ANKIB1: variants seen among roughly 807,000 people sequenced by gnomAD.
The protein encoded by ANKIB1 is ankyrin repeat and IBR domain containing 1.
ANKIB1 carries 43 observed loss-of-function variants against 122.1 expected under a neutral mutation model. That is an observed-to-expected ratio of 0.35 (90% CI 0.28 to 0.45). ANKIB1 has a LOEUF of 0.45. Ranked by LOEUF, ANKIB1 falls within the 20% of genes least tolerant of loss-of-function variation. The pLI is 1.00. For missense variants in ANKIB1, 992 were observed against 1,329.5 expected, an observed-to-expected ratio of 0.75 and a Z score of 3.95; for synonymous variants, 390 against 442.0, an observed-to-expected ratio of 0.88 and a Z score of 1.48.
chr7:92,302,492 C>G (rs915691444), intron 2 of ANKIB1, among the ~76,000 whole-genome samples: 1 of 152,188 alleles, frequency 6.6e-6, no homozygotes, highest in African/African-American at 2.4e-5. Context: ...ACATCACAAT[C>G]ACACTGCCTC....
intron 15 of ANKIB1, 24 bp from the exon 16 acceptor site, chr7:92,391,142 T>G: frequency 6.4e-7 from 1 of 1,563,544 alleles, no homozygotes; most frequent in Non-Finnish European, 8.7e-7. Context: ...CCTGTGATTT[T>G]TTTTTTTTCT....
intron 5 of ANKIB1, among the ~76,000 whole-genome samples, chr7:92,328,125 T>G (rs574242319): frequency 6.6e-6 from 1 of 152,342 alleles, no homozygotes; most frequent in South Asian, 2.1e-4. Context: ...GGAAAATTCT[T>G]TTTAGAAATT....
In ANKIB1 at chr7:92,392,252, G is replaced by A. The variant is rs758735939; in HGVS notation, c.2243G>A (p.Gly748Glu). 2 of 1,610,908 alleles carry A rather than the reference G, an allele frequency of 1.2e-6. No homozygotes were observed. Among genetic ancestry groups the A allele is most frequent in the Non-Finnish European group, 1.7e-6 (2 of 1,178,224 alleles). ...TAATTTCTTTGTAGCTTTGCTGGTG[G>A]AACATGGGATTGGGAATATTTAGGA... ...PEAPRRSFAGGTWDWEYLGFA... is the reference protein window; with the variant it reads ...PEAPRRSFAGETWDWEYLGFA... The change falls in exon 17 of 20, where the codon GGA becomes GAA. Residue 748 changes from glycine (G) to glutamate (E), a missense_variant. Physicochemically the swap from Gly to Glu is moderately conservative, Grantham distance 98. This residue lies in a region of ANKIB1 where 521 missense variants were observed against 777.7 expected (regional missense o/e 0.67). Coordinates refer to ENST00000265742, the MANE Select transcript of ANKIB1 (RefSeq NM_019004.2).
At chr7:92,283,963 G>A (rs892104095) in intron 1 of ANKIB1, among the ~76,000 whole-genome samples, 1 of 152,092 alleles carries the variant, frequency 6.6e-6, no homozygotes, top group Non-Finnish European at 1.5e-5. Context: ...TAGGGACGGG[G>A]TTTCATCATG....
chr7:92,396,811 T>C (rs191971916), intron 18 of ANKIB1, among the ~76,000 whole-genome samples: 1 of 152,304 alleles, frequency 6.6e-6, no homozygotes, highest in East Asian at 1.9e-4. Flanking sequence ...AGATAATGCA[T>C]CTAAAACACT....
intron 17 of ANKIB1, among the ~76,000 whole-genome samples, chr7:92,393,477 G>A (rs551988057): frequency 9.2e-5 from 14 of 151,958 alleles, no homozygotes; most frequent in African/African-American, 3.1e-4. Flanking sequence ...CTAAAAGGAA[G>A]AATAAGCAAA....
chr7:92,365,965 T>A (rs1049195503), intron 10 of ANKIB1, among the ~76,000 whole-genome samples: 3 of 151,576 alleles, frequency 2.0e-5, no homozygotes, highest in African/African-American at 7.3e-5. Context: ...CCGGCTAATT[T>A]TTTGTATTTT....
In ANKIB1 at chr7:92,276,849, T is replaced by C. The variant is rs187629847; in HGVS notation, c.-90-18040T>C. On this transcript the variant is annotated intron_variant, in intron 1 of 19. Transcript: ENST00000265742. ...CAGAGGACACTCATAGTACCTGATATGGTTTGGATCTGTGTCTCTACCAAA... is the reference window on the plus strand; with the variant it reads ...CAGAGGACACTCATAGTACCTGATACGGTTTGGATCTGTGTCTCTACCAAA... Among the ~76,000 whole-genome samples, 469 of 152,330 alleles carry C rather than the reference T, an allele frequency of 3.1e-3. 1 individual carries two copies. The highest frequency in any genetic ancestry group is 0.011 in the African/African-American group (444 of 41,586).
At chr7:92,376,218 G>A (rs566185332) in intron 11 of ANKIB1, among the ~76,000 whole-genome samples, 13 of 152,236 alleles carry the variant, frequency 8.5e-5, no homozygotes, top group South Asian at 4.1e-4. Flanking sequence ...GCATTATCCC[G>A]TAACAAGAGT....
chr7:92,334,073 G>C (rs1803236368), intron 5 of ANKIB1, among the ~76,000 whole-genome samples: 1 of 152,032 alleles, frequency 6.6e-6, no homozygotes, highest in South Asian at 2.1e-4. Flanking sequence ...GTTTGGATGT[G>C]CTAAGCTAAA....
intron 3 of ANKIB1, among the ~76,000 whole-genome samples, chr7:92,318,815 T>C (rs1385965619): frequency 6.6e-6 from 1 of 152,194 alleles, no homozygotes; most frequent in Non-Finnish European, 1.5e-5. Context: ...TTGAAGAATA[T>C]TGAAAACAGC....
intron 9 of ANKIB1, among the ~76,000 whole-genome samples, chr7:92,361,189 A>C (rs770424363): frequency 5.3e-5 from 8 of 152,216 alleles, no homozygotes; most frequent in Non-Finnish European, 1.2e-4. Context: ...TTAAAATGGC[A>C]GTTCATCAAG....
At position 92,319,322 on chromosome 7, in the gene ANKIB1, T is replaced by A; in HGVS notation, c.487-8T>A. 2 of 1,550,450 alleles carry A rather than the reference T, an allele frequency of 1.3e-6. No homozygotes were observed. Among genetic ancestry groups the A allele is most frequent in the Non-Finnish European group, 1.7e-6 (2 of 1,151,552 alleles). On this transcript the variant is annotated splice_polypyrimidine_tract_variant and splice_region_variant and intron_variant, in intron 3 of 19. Transcript: ENST00000265742. The stretch of plus-strand genomic sequence containing the variant: ...TAGTTGCAAGTTTTTGAAAAAAAAC[T>A]TTTTTAGCTTTTAGTAAAACATGGA...
At chr7:92,287,478 T>C (rs1176050055) in intron 1 of ANKIB1, among the ~76,000 whole-genome samples, 1 of 152,212 alleles carries the variant, frequency 6.6e-6, no homozygotes, top group African/African-American at 2.4e-5. Flanking sequence ...CTACAGAACT[T>C]ATGTGCCTTT....
At chr7:92,254,540 C>T (rs1246499610) in intron 1 of ANKIB1, among the ~76,000 whole-genome samples, 1 of 152,052 alleles carries the variant, frequency 6.6e-6, no homozygotes, top group East Asian at 1.9e-4. Context: ...AAAAAAGTTT[C>T]CTATGGTGCA....
intron 1 of ANKIB1, among the ~76,000 whole-genome samples, chr7:92,293,546 C>G (rs958626277): frequency 1.3e-5 from 2 of 152,156 alleles, no homozygotes. Context: ...AATAGAGTAA[C>G]ATGAAAGACT....
Position 92,401,051 on chromosome 7 carries a change from TC to T in ANKIB1, c.*2104del, listed in dbSNP as rs1451699964. Reference sequence around the variant, plus strand: ...CGGTTTCCTTGCACCTTGTGCAGTATCCTTTATTTCTGTGCTGTTCTCTCCT... The same window carrying T: ...CGGTTTCCTTGCACCTTGTGCAGTATCTTTATTTCTGTGCTGTTCTCTCCT... On this transcript the variant is annotated 3_prime_UTR_variant, in exon 20 of 20. Transcript: ENST00000265742. The T allele has an allele frequency of 2.0e-5, 3 of 152,230 alleles. No homozygotes were observed. Among genetic ancestry groups the T allele is most frequent in the Non-Finnish European group, 4.4e-5 (3 of 68,036 alleles). 9.4% of individuals were successfully genotyped at this position (152,230 alleles called of 1,614,324 possible).
intron 11 of ANKIB1, 123 bp downstream of exon 11, chr7:92,371,730 C>A (rs1323982316): frequency 3.5e-6 from 4 of 1,143,962 alleles, no homozygotes; most frequent in East Asian, 5.3e-5. Flanking sequence ...ATAATCCCAG[C>A]ACTTCAGGAG....
intron 5 of ANKIB1, among the ~76,000 whole-genome samples, chr7:92,338,081 C>T (rs145088450): frequency 8.1e-4 from 123 of 151,796 alleles, no homozygotes; most frequent in African/African-American, 2.8e-3. Context: ...AGAAGGAGAA[C>T]GATAAGTCAA....
Sources: gnomAD v4.1 joint callset for allele counts (sites outside exome capture counted in the v4.1 genomes callset) on GRCh38, gnomAD v4.1.1 for gene constraint, gnomAD v4.1.1 regional missense constraint, MANE v1.5 for transcripts, NCBI Gene and HGNC (gene_info 2026-07-23, HGNC 2026-07-21) for gene names.